The following SEC63 variants were observed in gnomAD, a reference collection of about 807,000 sequenced individuals.
The protein encoded by SEC63 is translocation protein SEC63 homolog.
Under a neutral mutation model 116.2 loss-of-function variants are expected in SEC63, and 56 were observed. The observed-to-expected ratio is 0.48, with a 90% CI of 0.39 to 0.60. The LOEUF is 0.60. Ranked by LOEUF, SEC63 falls within the 20% of genes least tolerant of loss-of-function variation. The probability of loss-of-function intolerance (pLI) is 0.00; values close to 1 mark genes in which losing one functional copy is unlikely to be tolerated. For missense variants in SEC63, 668 were observed against 900.0 expected, an observed-to-expected ratio of 0.74 and a Z score of 3.30; for synonymous variants, 273 against 294.6, an observed-to-expected ratio of 0.93 and a Z score of 0.75.
Position 107,921,901 on chromosome 6 carries a change from T to G in SEC63, c.348A>C (p.Thr116=). 2 of 1,536,550 alleles carry G rather than the reference T, an allele frequency of 1.3e-6. No individual in the cohort carries two copies. The highest frequency in any genetic ancestry group is 1.8e-6 in the Non-Finnish European group (2 of 1,136,686). ...YEVLNLDPGA[T]VAEIKKQYRL... The stretch of plus-strand genomic sequence containing the variant: ...GATATTGTTTTTTAATTTCTGCTAC[T>G]GTGGCTCCCTGGGGAAAAACAAAAA... Residue 116 remains threonine, a synonymous_variant, in exon 4 of 21, where the codon ACA becomes ACC. Coordinates refer to ENST00000369002, the MANE Select transcript of SEC63 (RefSeq NM_007214.5).
intron 1 of SEC63, among the ~76,000 whole-genome samples, chr6:107,952,179 G>A (rs1021888394): frequency 1.3e-5 from 2 of 152,116 alleles, no homozygotes; most frequent in South Asian, 2.1e-4. Flanking sequence ...TTAATTATAA[G>A]TACGCTTAGC....
At chr6:107,879,174 T>C (rs1337997098) in intron 18 of SEC63, among the ~76,000 whole-genome samples, 1 of 152,200 alleles carries the variant, frequency 6.6e-6, no homozygotes, top group Admixed American at 6.5e-5. Context: ...TCATTTGTTT[T>C]GTTTTGTTTG....
rs1227302876 is a variant in SEC63, at chr6:107,868,150, ATT to A, written c.*3552_*3553del. 1 of 151,856 alleles carries A rather than the reference ATT, an allele frequency of 6.6e-6. No homozygotes were observed. Among genetic ancestry groups the A allele is most frequent in the African/African-American group, 2.4e-5 (1 of 41,270 alleles). The allele number at this position is 151,856 out of a possible 1,614,324, so 9.4% of individuals were successfully genotyped here. On this transcript the variant is annotated 3_prime_UTR_variant, in exon 21 of 21. Coordinates refer to ENST00000369002, the MANE Select transcript of SEC63 (RefSeq NM_007214.5). ...AAAATGTTATGGTTCACCAACAGTT[ATT>A]TCACTTTAAGGCAGTCTAAATAGAG...
intron 16 of SEC63, among the ~76,000 whole-genome samples, chr6:107,891,195 G>A (rs1276572796): frequency 6.6e-6 from 1 of 152,066 alleles, no homozygotes; most frequent in East Asian, 1.9e-4. Context: ...GTCACTTTCA[G>A]GTATACCAAT....
At position 107,886,626 on chromosome 6, in the gene SEC63, CAT is replaced by C. The variant is rs1453579907; in HGVS notation, c.1675-3482_1675-3481del. Among the ~76,000 whole-genome samples, 5 of 152,296 alleles carry C rather than the reference CAT, an allele frequency of 3.3e-5. No homozygotes were observed. The South Asian group carries it at 6.2e-4, about 19-fold the overall frequency. On this transcript the variant is annotated intron_variant, in intron 16 of 20. Coordinates refer to ENST00000369002, the MANE Select transcript of SEC63 (RefSeq NM_007214.5). ...TGACCAGTGATGATGAGCTTTTCTT[CAT>C]ATGTTTGTTGGCTGCATAAATGTCT...
chr6:107,909,767 A>AT (rs1410774330), intron 7 of SEC63, among the ~76,000 whole-genome samples: 1 of 152,232 alleles, frequency 6.6e-6, no homozygotes, highest in Admixed American at 6.5e-5. Context: ...ATATTACTTA[A>AT]TATGATTGGA....
At chr6:107,946,559 G>C (rs563335009) in intron 1 of SEC63, among the ~76,000 whole-genome samples, 28 of 152,296 alleles carry the variant, frequency 1.8e-4, no homozygotes, top group Middle Eastern at 3.4e-3. Flanking sequence ...AAACCTTCAT[G>C]TTGTCCTGTA....
intron 4 of SEC63, among the ~76,000 whole-genome samples, chr6:107,921,312 G>A (rs753698348): frequency 1.3e-5 from 2 of 151,978 alleles, no homozygotes; most frequent in Non-Finnish European, 2.9e-5. Context: ...AGTTTACATG[G>A]CAAAAATTAC....
chr6:107,913,506 G>A, intron 4 of SEC63, 79 bp from the exon 5 acceptor site: 1 of 944,736 alleles, frequency 1.1e-6, no homozygotes, highest in Non-Finnish European at 1.7e-6. Flanking sequence ...AACTCCATTA[G>A]CCAACCAACT....
At chr6:107,883,249 G>A (rs765726507) in intron 16 of SEC63, 103 bp from the exon 17 acceptor site, 58 of 1,393,532 alleles carry the variant, frequency 4.2e-5, no homozygotes, top group Admixed American at 2.3e-4. Context: ...AAACTGACTC[G>A]ATGACAATTT....
chr6:107,904,802 T>TG lies in SEC63; in HGVS notation c.962-82_962-81insC. 3.0e-6 allele frequency: 3 copies of TG among 993,806 alleles called. No individual in the cohort carries two copies. The Admixed American group carries it at 5.1e-5, about 17-fold the overall frequency. 61.6% of individuals were successfully genotyped at this position (993,806 alleles called of 1,614,324 possible). On this transcript the variant is annotated intron_variant, in intron 10 of 20. Coordinates refer to ENST00000369002, the MANE Select transcript of SEC63 (RefSeq NM_007214.5). Reference sequence around the variant, plus strand: ...CTTTATCACTGTGGCCCAAAACTAATATTAAAGTTATGCCACAAATATTTC... The same window carrying TG: ...CTTTATCACTGTGGCCCAAAACTAATGATTAAAGTTATGCCACAAATATTTC...
chr6:107,927,801 C>G (rs1325699376), intron 2 of SEC63, among the ~76,000 whole-genome samples: 2 of 152,118 alleles, frequency 1.3e-5, no homozygotes, highest in African/African-American at 4.8e-5. Context: ...TTGCATATAA[C>G]CTATATACAT....
intron 1 of SEC63, among the ~76,000 whole-genome samples, chr6:107,942,107 T>C (rs1451362152): frequency 6.6e-6 from 1 of 152,222 alleles, no homozygotes; most frequent in Non-Finnish European, 1.5e-5. Flanking sequence ...CATTCTATAA[T>C]TAGATATATA....
At chr6:107,879,037 G>A (rs111390295) in intron 18 of SEC63, among the ~76,000 whole-genome samples, 4 of 152,224 alleles carry the variant, frequency 2.6e-5, no homozygotes, top group African/African-American at 7.2e-5. Flanking sequence ...TACAATAGAC[G>A]AATTTCACTA....
At chr6:107,927,868 A>G (rs556216432) in intron 2 of SEC63, among the ~76,000 whole-genome samples, 2 of 152,168 alleles carry the variant, frequency 1.3e-5, no homozygotes, top group African/African-American at 4.8e-5. Context: ...TATAATACAC[A>G]CTGTGGAAAC....
chr6:107,877,959 A>T (rs1407266019), intron 18 of SEC63, among the ~76,000 whole-genome samples: 1 of 152,272 alleles, frequency 6.6e-6, no homozygotes, highest in Non-Finnish European at 1.5e-5. Context: ...AATTCTGCTT[A>T]AACCGAGGGT....
intron 11 of SEC63, among the ~76,000 whole-genome samples, chr6:107,904,246 C>T (rs1787084972): frequency 6.6e-6 from 1 of 151,160 alleles, no homozygotes; most frequent in Non-Finnish European, 1.5e-5. Context: ...CCTGTCTCTA[C>T]CAAAAATACA....
chr6:107,871,887 G>A, intron 20 of SEC63, 40 bp from the exon 21 acceptor site: 1 of 1,603,580 alleles, frequency 6.2e-7, no homozygotes, highest in Non-Finnish European at 8.5e-7. Flanking sequence ...GAAATTTGGG[G>A]AGAAATAATG....
At chr6:107,924,703 C>T in intron 3 of SEC63, 115 bp downstream of exon 3, 1 of 661,400 alleles carries the variant, frequency 1.5e-6, no homozygotes, top group South Asian at 1.7e-5. Context: ...TTTTAATAAA[C>T]AAACTGACCA....
Sources: allele counts gnomAD v4.1 joint callset (sites outside exome capture counted in the v4.1 genomes callset), GRCh38; gene constraint gnomAD v4.1.1; transcripts MANE v1.5; gene names NCBI Gene and HGNC (gene_info 2026-07-23, HGNC 2026-07-21).